ARK2C: variants seen among roughly 807,000 people sequenced by gnomAD.
The protein encoded by ARK2C is arkadia (RNF111) C-terminal like ring finger ubiquitin ligase 2C.
the ARK2C span, chr18:46,447,794 T>C: frequency 1.4e-6 from 2 of 1,399,740 alleles, no homozygotes; most frequent in East Asian, 2.3e-5. Context: ...CTGGCTCCCC[T>C]GTATCCTTGG....
the ARK2C span, among the ~76,000 whole-genome samples, chr18:46,396,840 C>T: frequency 1.3e-5 from 2 of 152,210 alleles, no homozygotes; most frequent in African/African-American, 4.8e-5. Flanking sequence ...TCTCTGGAAA[C>T]TCTTCCCAGG....
the ARK2C span, among the ~76,000 whole-genome samples, chr18:46,355,563 C>T: frequency 6.6e-6 from 1 of 152,348 alleles, no homozygotes; most frequent in Middle Eastern, 3.4e-3. Context: ...GCGGTCCCAG[C>T]TCCCATCTGT....
At chr18:46,433,555 GGGGCAGGGCCAGGGCGT>G in the ARK2C span, 33 of 1,502,170 alleles carry the variant, frequency 2.2e-5, no homozygotes, top group South Asian at 1.7e-4. Context: ...GTCGGGTGAG[GGGGCAGGGCCAGGGCGT>G]GGGCAGGGCC....
the ARK2C span, among the ~76,000 whole-genome samples, chr18:46,410,593 A>G: frequency 6.6e-6 from 1 of 152,226 alleles, no homozygotes; most frequent in African/African-American, 2.4e-5. Context: ...GGCAGGACCT[A>G]GATCTTGGTT....
At chr18:46,361,650 A>T in the ARK2C span, among the ~76,000 whole-genome samples, 1 of 152,214 alleles carries the variant, frequency 6.6e-6, no homozygotes, top group Non-Finnish European at 1.5e-5. Context: ...TGATTATGGC[A>T]GGAGCATGAA....
At chr18:46,354,515 C>A in the ARK2C span, among the ~76,000 whole-genome samples, 4 of 152,138 alleles carry the variant, frequency 2.6e-5, no homozygotes, top group South Asian at 4.1e-4. Flanking sequence ...CCTTAGAGGC[C>A]GAACTTGAGA....
the ARK2C span, among the ~76,000 whole-genome samples, chr18:46,443,173 T>C: frequency 6.6e-6 from 1 of 152,194 alleles, no homozygotes; most frequent in Non-Finnish European, 1.5e-5. Flanking sequence ...TTGCTCTTTC[T>C]TTTCTCTTTC....
the ARK2C span, chr18:46,435,413 C>T: frequency 6.9e-6 from 11 of 1,584,170 alleles, no homozygotes; most frequent in East Asian, 6.7e-5. Flanking sequence ...CTTCAGGGCC[C>T]CTGGGGGAGG....
the ARK2C span, chr18:46,447,767 C>A: frequency 6.3e-7 from 1 of 1,575,274 alleles, no homozygotes; most frequent in Non-Finnish European, 8.7e-7. Flanking sequence ...TCCCCTGTGC[C>A]CTGGCTGCTA....
the ARK2C span, among the ~76,000 whole-genome samples, chr18:46,356,102 C>G: frequency 2.0e-5 from 3 of 152,228 alleles, no homozygotes; most frequent in Non-Finnish European, 4.4e-5. Flanking sequence ...TTATTCTCTC[C>G]TTTATTGACT....
chr18:46,342,104 T>G, the ARK2C span, among the ~76,000 whole-genome samples: 2 of 152,202 alleles, frequency 1.3e-5, no homozygotes, highest in African/African-American at 4.8e-5. Context: ...ATTATCTTAT[T>G]TCCTCCTTGG....
the ARK2C span, among the ~76,000 whole-genome samples, chr18:46,349,410 G>A: frequency 2.0e-5 from 3 of 152,234 alleles, no homozygotes; most frequent in East Asian, 3.9e-4. Flanking sequence ...ATTCATGAGC[G>A]CTTCACTCTT....
At chr18:46,360,793 A>G in the ARK2C span, among the ~76,000 whole-genome samples, 130,965 of 152,198 alleles carry the variant, frequency 0.86, 56,543 homozygotes, top group East Asian at 0.99. Context: ...AATCCTACCT[A>G]GGTAGCACCA....
At chr18:46,400,770 C>G in the ARK2C span, among the ~76,000 whole-genome samples, 1 of 152,234 alleles carries the variant, frequency 6.6e-6, no homozygotes, top group South Asian at 2.1e-4. Context: ...TCAGTAGCCC[C>G]GTCACTGTGC....
the ARK2C span, chr18:46,435,349 C>T: frequency 6.2e-7 from 1 of 1,614,156 alleles, no homozygotes; most frequent in South Asian, 1.1e-5. Context: ...TCGACTTCGG[C>T]CAACTGCAGA....
At chr18:46,367,807 A>T in the ARK2C span, among the ~76,000 whole-genome samples, 4 of 152,248 alleles carry the variant, frequency 2.6e-5, no homozygotes, top group Non-Finnish European at 4.4e-5. Flanking sequence ...TGAGTGTCAG[A>T]ATCACTTCAG....
the ARK2C span, among the ~76,000 whole-genome samples, chr18:46,373,230 C>G: frequency 6.6e-6 from 1 of 152,252 alleles, no homozygotes; most frequent in Non-Finnish European, 1.5e-5. Context: ...AAGCTTGATC[C>G]CTGGCTCTTG....
At chr18:46,400,323 T>C in the ARK2C span, among the ~76,000 whole-genome samples, 5 of 152,196 alleles carry the variant, frequency 3.3e-5, no homozygotes, top group South Asian at 2.1e-4. Flanking sequence ...AGGAACCTGA[T>C]TGTTCATTTC....
chr18:46,342,652 CAG>C, the ARK2C span, among the ~76,000 whole-genome samples: 1 of 152,202 alleles, frequency 6.6e-6, no homozygotes, highest in Non-Finnish European at 1.5e-5. Context: ...CTGATTTCCA[CAG>C]AAATAATAGG....
Sources: gnomAD v4.1 joint callset for allele counts (sites outside exome capture counted in the v4.1 genomes callset) on GRCh38, gnomAD v4.1.1 for gene constraint, MANE v1.5 for transcripts, NCBI Gene and HGNC (gene_info 2026-07-23, HGNC 2026-07-21) for gene names.